SLC28A3: variants seen among roughly 807,000 people sequenced by gnomAD.
The protein encoded by SLC28A3 is concentrative Na(+)-nucleoside cotransporter 3.
SLC28A3 carries 68 observed loss-of-function variants against 84.2 expected under a neutral mutation model. That is an observed-to-expected ratio of 0.81 (90% CI 0.66 to 0.99). SLC28A3 has a LOEUF of 0.99. Among genes scored for constraint, SLC28A3 ranks in the 50% least tolerant of loss-of-function variants. The pLI, the probability that SLC28A3 is intolerant of heterozygous loss-of-function variation, is 0.00. For synonymous variants in SLC28A3, 267 were observed against 303.6 expected (o/e 0.88, Z 1.25); for missense variants, 712 against 841.5 (o/e 0.85, Z 1.90).
intron 2 of SLC28A3, 113 bp from the exon 3 acceptor site, chr9:84,309,827 T>C: frequency 1.3e-6 from 1 of 787,536 alleles, no homozygotes. Flanking sequence ...CCTTTTAAAT[T>C]ATTATGCAAG....
upstream of SLC28A3, among the ~76,000 whole-genome samples, chr9:84,341,638 A>T (rs1479602591): frequency 6.6e-6 from 1 of 152,188 alleles, no homozygotes; most frequent in East Asian, 1.9e-4. Flanking sequence ...TGCTTTCAAA[A>T]ATCCAGCTTA....
At chr9:84,348,372 A>G in the SLC28A3 span, among the ~76,000 whole-genome samples, 1 of 140,914 alleles carries the variant, frequency 7.1e-6, no homozygotes, top group Non-Finnish European at 1.5e-5. Context: ...AAAAAAAAAA[A>G]TGCAGGCTCT....
rs1182939298 is a variant in SLC28A3, at chr9:84,320,040, G to GTTTTTTTTTTTTTTTTTTTTTTTTTT, written c.61-6612_61-6587dup. The stretch of plus-strand genomic sequence containing the variant: ...TACTCATTCCAGCCTGGCTTGCACT[G>GTTTTTTTTTTTTTTTTTTTTTTTTTT]TTTTTTTTTTTTTTTTTTTTTTTTT... On this transcript the variant is annotated intron_variant, in intron 1 of 17. Transcript: ENST00000376238. 5.0e-5 allele frequency among the ~76,000 whole-genome samples: 3 copies of GTTTTTTTTTTTTTTTTTTTTTTTTTT among 59,610 alleles called. 1 individual carries two copies. The highest frequency in any genetic ancestry group is 2.0e-4 in the African/African-American group (2 of 10,252). 39.1% of individuals were successfully genotyped at this position (59,610 alleles called of 152,430 possible).
At chr9:84,297,389 C>T (rs1389155636) in intron 7 of SLC28A3, 91 bp from the exon 8 acceptor site, 1 of 999,664 alleles carries the variant, frequency 1.0e-6, no homozygotes, top group African/African-American at 1.6e-5. Flanking sequence ...AGAGGACGGA[C>T]CCAGCAAATG....
At chr9:84,322,725 A>G (rs574255639) in intron 1 of SLC28A3, among the ~76,000 whole-genome samples, 1 of 152,226 alleles carries the variant, frequency 6.6e-6, no homozygotes, top group South Asian at 2.1e-4. Context: ...CATGCCTGTA[A>G]TCCCAGCTAC....
intron 10 of SLC28A3, among the ~76,000 whole-genome samples, chr9:84,292,050 C>T (rs1180061335): frequency 6.6e-6 from 1 of 152,110 alleles, no homozygotes; most frequent in Non-Finnish European, 1.5e-5. Flanking sequence ...AAGAGAAAAA[C>T]CTAAAAGCAT....
chr9:84,290,110 AGAAAG>A, intron 11 of SLC28A3, 39 bp downstream of exon 11: 1 of 1,598,112 alleles, frequency 6.3e-7, no homozygotes, highest in African/African-American at 1.3e-5. Context: ...ACAATAATAA[AGAAAG>A]AAGAGGTTGG....
rs1297232292 is a variant in SLC28A3, at chr9:84,285,396, C to T, written c.1596G>A (p.Leu532=). The change falls in exon 14 of 18, where the codon TTG becomes TTA. Residue 532 remains leucine, a synonymous_variant. Coordinates refer to ENST00000376238, the MANE Select transcript of SLC28A3 (RefSeq NM_001199633.2). ...AYEHLSKWIH[L]RKEGGPKFVN... ...CAAATTTGGGTCCACCTTCTTTCCT[C>T]AAGTGGATCCATTTTGAGAGGTGCT... The T allele has an allele frequency of 1.2e-6, 2 of 1,613,940 alleles. No homozygotes were observed. Among genetic ancestry groups the T allele is most frequent in the African/African-American group, 1.3e-5 (1 of 74,908 alleles).
chr9:84,315,527 G>T (rs980205707), intron 1 of SLC28A3, among the ~76,000 whole-genome samples: 1 of 152,192 alleles, frequency 6.6e-6, no homozygotes, highest in African/African-American at 2.4e-5. Context: ...GTTAATGAAA[G>T]TGGAAGGTGT....
At chr9:84,301,321 G>C (rs1588585062) in intron 5 of SLC28A3, among the ~76,000 whole-genome samples, 2 of 130,068 alleles carry the variant, frequency 1.5e-5, no homozygotes, top group Admixed American at 1.9e-4. Context: ...CTGCACTCCA[G>C]TCTGGGTGAC....
chr9:84,280,262 T>G (rs1330261840), intron 15 of SLC28A3, among the ~76,000 whole-genome samples, 189 bp from the exon 16 acceptor site: 2 of 151,904 alleles, frequency 1.3e-5, no homozygotes, highest in African/African-American at 4.8e-5. Context: ...TTCTCTGCTG[T>G]GGGAAGAAGG....
intron 3 of SLC28A3, among the ~76,000 whole-genome samples, chr9:84,309,421 G>A (rs1265816053): frequency 6.7e-6 from 1 of 149,448 alleles, no homozygotes; most frequent in Non-Finnish European, 1.5e-5. Context: ...TACTCGGGAG[G>A]CTCAAATGGG....
chr9:84,356,843 A>G, the SLC28A3 span, among the ~76,000 whole-genome samples: 1 of 144,842 alleles, frequency 6.9e-6, no homozygotes. Flanking sequence ...AAAAATAAAT[A>G]AATAAAATAA....
At chr9:84,311,703 A>G (rs1224280086) in intron 2 of SLC28A3, among the ~76,000 whole-genome samples, 1 of 152,150 alleles carries the variant, frequency 6.6e-6, no homozygotes. Context: ...TACAAAAAAA[A>G]AAATTAGCTG....
rs766184027 is a variant in SLC28A3, at chr9:84,321,595, G to A, written c.61-8141C>T. On this transcript the variant is annotated intron_variant, in intron 1 of 17. Transcript: ENST00000376238. ...AAAAATACAAAAAAATTAGCCAGGCGTGGTGGCAGGCGCCTGTAGTCCCAG... is the reference window on the plus strand; with the variant it reads ...AAAAATACAAAAAAATTAGCCAGGCATGGTGGCAGGCGCCTGTAGTCCCAG... Among the ~76,000 whole-genome samples, 16 of 151,890 alleles carry A rather than the reference G, an allele frequency of 1.1e-4. No homozygotes were observed. The East Asian group carries it at 2.7e-3, about 26-fold the overall frequency.
intron 14 of SLC28A3, among the ~76,000 whole-genome samples, chr9:84,282,607 C>G (rs546548162): frequency 3.9e-5 from 6 of 152,230 alleles, no homozygotes; most frequent in African/African-American, 1.4e-4. Flanking sequence ...AAAGCAAGGG[C>G]GTGGCCCTGT....
intron 1 of SLC28A3, among the ~76,000 whole-genome samples, chr9:84,332,854 G>A (rs1237531098): frequency 1.3e-5 from 2 of 152,152 alleles, no homozygotes; most frequent in Non-Finnish European, 2.9e-5. Context: ...TTTCCTAAAT[G>A]GGACCAATAT....
At chr9:84,340,483 T>TC (rs1827123345) in intron 1 of SLC28A3, 91 bp downstream of exon 1, 1 of 1,337,040 alleles carries the variant, frequency 7.5e-7, no homozygotes, top group Non-Finnish European at 1.1e-6. Context: ...CCTGATAATC[T>TC]CCCTGCTTAG....
chr9:84,346,307 ATAAG>A, the SLC28A3 span, among the ~76,000 whole-genome samples: 22,927 of 152,200 alleles, frequency 0.15, 1,834 homozygotes, highest in South Asian at 0.24. Context: ...GAAAGGAAAA[ATAAG>A]TAATTACATG....
Sources: allele counts gnomAD v4.1 joint callset (sites outside exome capture counted in the v4.1 genomes callset), GRCh38; gene constraint gnomAD v4.1.1; transcripts MANE v1.5; gene names NCBI Gene and HGNC (gene_info 2026-07-23, HGNC 2026-07-21).